The following CREB1 variants were observed in gnomAD, a reference collection of about 807,000 sequenced individuals.
CREB1 encodes cyclic AMP-responsive element-binding protein 1.
Under a neutral mutation model 42.0 loss-of-function variants are expected in CREB1, and 2 were observed. That is an observed-to-expected ratio of 0.05 (90% CI 0.02 to 0.15). The LOEUF is 0.15. CREB1 is among the 10% of genes least tolerant of loss of function. The pLI, the probability that CREB1 is intolerant of heterozygous loss-of-function variation, is 1.00. For synonymous variants in CREB1, 123 were observed against 139.9 expected (o/e 0.88, Z 0.85); for missense variants, 199 against 388.9 (o/e 0.51, Z 4.11).
At chr2:207,555,836 T>G (rs567278522) in intron 2 of CREB1, 87 bp downstream of exon 2, 1 of 771,812 alleles carries the variant, frequency 1.3e-6, no homozygotes, top group Admixed American at 2.3e-5. Flanking sequence ...TACATAGATA[T>G]ACATAGAATG....
At chr2:207,572,673 G>T (rs936228275) in intron 5 of CREB1, among the ~76,000 whole-genome samples, 1 of 151,966 alleles carries the variant, frequency 6.6e-6, no homozygotes, top group East Asian at 1.9e-4. Flanking sequence ...AAAATTAGCC[G>T]AGCGAGGTGG....
intron 3 of CREB1, among the ~76,000 whole-genome samples, chr2:207,561,450 G>A (rs913003781): frequency 1.3e-5 from 2 of 152,074 alleles, no homozygotes; most frequent in Admixed American, 6.6e-5. Context: ...ACAATTAGGA[G>A]TGATTGCTAA....
intron 7 of CREB1, among the ~76,000 whole-genome samples, chr2:207,586,232 A>T (rs2083816012): frequency 6.6e-6 from 1 of 152,220 alleles, no homozygotes; most frequent in African/African-American, 2.4e-5. Context: ...GTATTGATAT[A>T]AAAACACATA....
intron 3 of CREB1, among the ~76,000 whole-genome samples, chr2:207,566,728 C>T (rs2082154314): frequency 6.6e-6 from 1 of 152,160 alleles, no homozygotes. Flanking sequence ...TAGTACCCAT[C>T]TGGCGCCTAC....
rs1340793127 is a variant in CREB1, at chr2:207,604,971, T to G, written c.*7913T>G. On this transcript the variant is annotated 3_prime_UTR_variant, in exon 8 of 8. Transcript: ENST00000353267. The stretch of plus-strand genomic sequence containing the variant: ...CCATTGTAGATATATACCACAAGTT[T>G]ATCGATTCATCCAGTTGAGTTGTTT... Among the ~76,000 whole-genome samples, 1 of 152,246 alleles carries G rather than the reference T, an allele frequency of 6.6e-6. No homozygotes were observed. Among genetic ancestry groups the G allele is most frequent in the East Asian group, 1.9e-4 (1 of 5,206 alleles).
intron 7 of CREB1, among the ~76,000 whole-genome samples, chr2:207,586,700 A>T (rs1338444517): frequency 1.4e-4 from 22 of 152,228 alleles, no homozygotes; most frequent in Non-Finnish European, 3.2e-4. Flanking sequence ...AACTCAACCG[A>T]ACAGGAAAAC....
chr2:207,533,374 A>T (rs1388126165), intron 1 of CREB1, among the ~76,000 whole-genome samples: 1 of 152,160 alleles, frequency 6.6e-6, no homozygotes, highest in Non-Finnish European at 1.5e-5. Flanking sequence ...CTCTCATTCT[A>T]AGACATTTGG....
At chr2:207,570,379 C>A in intron 5 of CREB1, 58 bp downstream of exon 5, 1 of 1,476,192 alleles carries the variant, frequency 6.8e-7, no homozygotes, top group Non-Finnish European at 9.2e-7. Flanking sequence ...GGAGAAAAAG[C>A]TAATAGTTGC....
chr2:207,549,735 A>G (rs1313614251), intron 1 of CREB1, among the ~76,000 whole-genome samples: 1 of 152,082 alleles, frequency 6.6e-6, no homozygotes, highest in African/African-American at 2.4e-5. Flanking sequence ...TGTAGTCCCA[A>G]CACTTTGGGA....
intron 5 of CREB1, among the ~76,000 whole-genome samples, 190 bp downstream of exon 5, chr2:207,570,511 GT>G (rs1213455846): frequency 6.6e-6 from 1 of 152,174 alleles, no homozygotes; most frequent in Non-Finnish European, 1.5e-5. Context: ...TCTTCAGAGA[GT>G]TTTAGTTAGG....
Position 207,555,614 on chromosome 2 carries a change from C to T in CREB1, c.-8-14C>T. ...GCACTGTGGTGCTTGTAACACTCTT[C>T]CATATTATTATAGGTAACTAAATGA... On this transcript the variant is annotated splice_polypyrimidine_tract_variant and intron_variant, in intron 1 of 7. Coordinates refer to ENST00000353267, the MANE Select transcript of CREB1 (RefSeq NM_004379.5). 2 of 1,525,382 alleles carry T rather than the reference C, an allele frequency of 1.3e-6. No individual in the cohort carries two copies. The highest frequency in any genetic ancestry group is 2.3e-5 in the East Asian group (1 of 44,036). The allele number at this position is 1,525,382 out of a possible 1,614,324, so 94.5% of individuals were successfully genotyped here.
At chr2:207,555,543 C>T (rs1298034336) in intron 1 of CREB1, 85 bp from the exon 2 acceptor site, 1 of 721,752 alleles carries the variant, frequency 1.4e-6, no homozygotes, top group African/African-American at 1.8e-5. Flanking sequence ...CACATATATA[C>T]CTATTTATAA....
rs1437273345 is a variant in CREB1 at position 207,598,101 on chromosome 2, A to G, written c.*1043A>G. On this transcript the variant is annotated 3_prime_UTR_variant, in exon 8 of 8. Transcript: ENST00000353267. ...TTTGTTTATGAAATGTTACATGTAG[A>G]AAAATACTGATTTTAAATATTTTCC... 2 of 180,834 alleles carry G rather than the reference A, an allele frequency of 1.1e-5. No homozygotes were observed. Among genetic ancestry groups the G allele is most frequent in the Non-Finnish European group, 2.4e-5 (2 of 84,682 alleles). The allele number at this position is 180,834 out of a possible 1,614,324, so 11.2% of individuals were successfully genotyped here. A position where few individuals can be genotyped will look rare whatever the true frequency, so the allele number is the denominator to read the frequency against.
At chr2:207,595,086 C>T (rs535617009) in intron 7 of CREB1, among the ~76,000 whole-genome samples, 1 of 150,412 alleles carries the variant, frequency 6.6e-6, no homozygotes, top group South Asian at 2.1e-4. Context: ...ACCTCTGCCT[C>T]CCGGGTTTAA....
chr2:207,555,859 C>A, intron 2 of CREB1, 110 bp downstream of exon 2: 1 of 618,330 alleles, frequency 1.6e-6, no homozygotes, highest in Non-Finnish European at 2.9e-6. Context: ...CAGAGATACT[C>A]TTACAATATC....
At chr2:207,586,177 AC>A (rs2083803544) in intron 7 of CREB1, among the ~76,000 whole-genome samples, 1 of 152,216 alleles carries the variant, frequency 6.6e-6, no homozygotes, top group Admixed American at 6.5e-5. Flanking sequence ...GCATCACACT[AC>A]CTGACTTCAA....
chr2:207,592,225 G>A (rs1178855458), intron 7 of CREB1, among the ~76,000 whole-genome samples: 1 of 152,080 alleles, frequency 6.6e-6, no homozygotes, highest in African/African-American at 2.4e-5. Flanking sequence ...GGCCAACATG[G>A]TGAAACCCTC....
At chr2:207,576,916 G>T in intron 6 of CREB1, 1 of 893,200 alleles carries the variant, frequency 1.1e-6, no homozygotes, top group African/African-American at 1.8e-5. Context: ...TAAAACTTCA[G>T]TTTATTTAGC....
At chr2:207,547,231 A>G (rs1279326949) in intron 1 of CREB1, among the ~76,000 whole-genome samples, 1 of 152,264 alleles carries the variant, frequency 6.6e-6, no homozygotes, top group Non-Finnish European at 1.5e-5. Context: ...ATGTTACTTC[A>G]TAAACTTATT....
Sources: gnomAD v4.1 joint callset for allele counts (sites outside exome capture counted in the v4.1 genomes callset) on GRCh38, gnomAD v4.1.1 for gene constraint, MANE v1.5 for transcripts, NCBI Gene and HGNC (gene_info 2026-07-23, HGNC 2026-07-21) for gene names.